DLGAP1: variants seen among roughly 807,000 people sequenced by gnomAD.
DLGAP1 encodes the protein disks large-associated protein 1.
Under a neutral mutation model 90.8 loss-of-function variants are expected in DLGAP1, and 11 were observed. The ratio of observed to expected loss-of-function variants is 0.12; its 90% CI spans 0.08 to 0.20. The LOEUF is 0.20. Among genes scored for constraint, DLGAP1 ranks in the 10% least tolerant of loss-of-function variants. The pLI is 1.00. For synonymous variants in DLGAP1, 558 were observed against 540.7 expected (o/e 1.03, Z -0.44); for missense variants, 1,050 against 1,333.8 (o/e 0.79, Z 3.31).
rs1463028688 is a variant in DLGAP1, at chr18:4,327,048, T to TG, written c.-267+127957dup. On this transcript the variant is annotated intron_variant, in intron 1 of 12. Transcript: ENST00000315677. ...AGTAGAATGGTGGTCATCAAAGGCA[T>TG]GGGGGTGGGAATGAAGGAATGAAAA... Among the ~76,000 whole-genome samples the TG allele has an allele frequency of 2.0e-5, 3 of 151,564 alleles. No homozygotes were observed. The East Asian group carries it at 5.8e-4, about 29-fold the overall frequency.
At chr18:4,425,445 T>A (rs1002268891) in intron 1 of DLGAP1, among the ~76,000 whole-genome samples, 2 of 152,154 alleles carry the variant, frequency 1.3e-5, no homozygotes, top group Non-Finnish European at 2.9e-5. Context: ...GGTACAGTCA[T>A]GATGACAGGA....
chr18:3,798,027 C>T (rs140738353), intron 5 of DLGAP1, among the ~76,000 whole-genome samples: 19,973 of 152,118 alleles, frequency 0.13, 1,426 homozygotes, highest in Middle Eastern at 0.17. Flanking sequence ...GATTGTGAGG[C>T]CTCCCCAGCC....
chr18:3,944,685 G>A (rs2072842016), intron 3 of DLGAP1, among the ~76,000 whole-genome samples: 1 of 152,224 alleles, frequency 6.6e-6, no homozygotes, highest in African/African-American at 2.4e-5. Flanking sequence ...GCTGTAATCA[G>A]CATTGTTACT....
intron 2 of DLGAP1, among the ~76,000 whole-genome samples, chr18:4,021,705 C>T (rs374872772): frequency 3.3e-5 from 5 of 152,268 alleles, no homozygotes; most frequent in African/African-American, 7.2e-5. Context: ...TCAAGCAATT[C>T]TCCTGTCTTC....
At chr18:4,100,978 C>G (rs112198810) in intron 2 of DLGAP1, among the ~76,000 whole-genome samples, 10 of 152,140 alleles carry the variant, frequency 6.6e-5, no homozygotes, top group African/African-American at 2.2e-4. Flanking sequence ...CCAGACCACT[C>G]GAACTTTTTC....
chr18:3,879,410 C>T lies in DLGAP1; in HGVS notation c.659G>A (p.Gly220Asp), dbSNP rs1264579346. 1 of 1,611,802 alleles carries T rather than the reference C, an allele frequency of 6.2e-7. No individual in the cohort carries two copies. The highest frequency in any genetic ancestry group is 8.5e-7 in the Non-Finnish European group (1 of 1,179,966). ...GDMCIYHAPS[G>D]VMTMGRCPDR... is the part of the protein sequence containing the mutation. ...GGGGCACCTGCCCATGGTCATCACG[C>T]CCGAGGGGGCGTGGTAGATGCACAT... Residue 220 changes from glycine to aspartate, a missense_variant, in exon 4 of 13, where the codon GGC becomes GAC. Physicochemically the swap from Gly to Asp is moderately conservative, Grantham distance 94. Coordinates refer to ENST00000315677, the MANE Select transcript of DLGAP1 (RefSeq NM_004746.4). This position sits in a 1 kb window ranked among gnomAD's most constrained non-coding sequence, Gnocchi z 6.6.
intron 3 of DLGAP1, chr18:3,978,059 G>A: frequency 2.6e-6 from 1 of 379,946 alleles, no homozygotes; most frequent in South Asian, 2.1e-5. Flanking sequence ...GTTTCTTGGA[G>A]GGGCCATCCA....
rs545260402 is a variant in DLGAP1, at chr18:3,537,843, A to G, written c.2058-3228T>C. ...TGTTTTTGAATGTGTGAGGTGGTACATTTCTTTGAGTAGCTCATGATTGTG... is the reference window on the plus strand; with the variant it reads ...TGTTTTTGAATGTGTGAGGTGGTACGTTTCTTTGAGTAGCTCATGATTGTG... On this transcript the variant is annotated intron_variant, in intron 9 of 12. Coordinates refer to ENST00000315677, the MANE Select transcript of DLGAP1 (RefSeq NM_004746.4). Among the ~76,000 whole-genome samples the G allele has an allele frequency of 1.8e-4, 27 of 152,262 alleles. No homozygotes were observed. In the South Asian group the frequency reaches 5.4e-3, roughly 30 times the overall value.
Position 3,534,359 on chromosome 18 carries a change from AGG to A in DLGAP1, c.2312_2313del (p.Pro771LeufsTer3). 1 of 1,614,128 alleles carries A rather than the reference AGG, an allele frequency of 6.2e-7. No homozygotes were observed. Among genetic ancestry groups the A allele is most frequent in the Non-Finnish European group, 8.5e-7 (1 of 1,179,986 alleles). ...GGGTCTTCAGTGATAGAGTCAATCC[AGG>A]GGTCCGGAGGAGGCAGAATAGAGGG... is the stretch of plus-strand genomic sequence containing the variant. Reference protein sequence around the residue: ...FDPSILPPPDPWIDSITEDPL... With the variant: ...FDPSILPPPDXWIDSITEDPL... On this transcript the variant is annotated frameshift_variant, in exon 10 of 13. Transcript: ENST00000315677. LOFTEE classifies it high-confidence loss of function.
chr18:3,700,851 C>T (rs956275621), intron 7 of DLGAP1, among the ~76,000 whole-genome samples: 5 of 151,938 alleles, frequency 3.3e-5, no homozygotes, highest in African/African-American at 9.7e-5. Flanking sequence ...CCTCATGATC[C>T]GCCCACCTCG....
intron 7 of DLGAP1, among the ~76,000 whole-genome samples, chr18:3,662,026 T>C (rs1362973526): frequency 6.6e-6 from 1 of 151,882 alleles, no homozygotes; most frequent in Non-Finnish European, 1.5e-5. Flanking sequence ...AAATAGAAAA[T>C]ATACCCAAGG....
intron 3 of DLGAP1, among the ~76,000 whole-genome samples, chr18:3,961,404 C>T (rs2073195412): frequency 6.6e-6 from 1 of 152,136 alleles, no homozygotes; most frequent in Admixed American, 6.5e-5. Flanking sequence ...GAATTCTCTC[C>T]CTCCTCCCCG....
rs2072898283 is a variant in DLGAP1 at position 3,947,400 on chromosome 18, C to T, written c.-73+57716G>A. Among the ~76,000 whole-genome samples the T allele has an allele frequency of 1.3e-5, 2 of 152,182 alleles. 1 individual carries two copies. Among genetic ancestry groups the T allele is most frequent in the South Asian group, 4.1e-4 (2 of 4,834 alleles). On this transcript the variant is annotated intron_variant, in intron 3 of 12. Coordinates refer to ENST00000315677, the MANE Select transcript of DLGAP1 (RefSeq NM_004746.4). ...TCCAAAATGGTAGATGTCTACCTCT[C>T]CCTGTCCCCTCAATCTCTGCCTCTA...
chr18:3,860,101 A>AAAAAAAAAAATAAATAAATAAAT (rs138109890), intron 4 of DLGAP1, among the ~76,000 whole-genome samples: 4 of 144,288 alleles, frequency 2.8e-5, no homozygotes, highest in Admixed American at 1.4e-4. Flanking sequence ...TCTGTCTCAA[A>AAAAAAAAAAATAAATAAATAAAT]AAATAAATAA....
intron 4 of DLGAP1, among the ~76,000 whole-genome samples, chr18:3,833,480 C>T (rs1180317485): frequency 6.6e-6 from 1 of 152,126 alleles, no homozygotes; most frequent in Admixed American, 6.5e-5. Flanking sequence ...AGTGATCTGC[C>T]CGCCTCAGCC....
chr18:3,908,243 T>C (rs1045274761), intron 3 of DLGAP1, among the ~76,000 whole-genome samples: 2 of 152,060 alleles, frequency 1.3e-5, no homozygotes, highest in African/African-American at 2.4e-5. Context: ...GACAGTGTAA[T>C]GGGGGAGAGG....
chr18:4,360,435 G>A (rs1233930768), intron 1 of DLGAP1, among the ~76,000 whole-genome samples: 2 of 152,136 alleles, frequency 1.3e-5, no homozygotes, highest in African/African-American at 4.8e-5. Flanking sequence ...GAAGAGAAAT[G>A]CGAATCAAAA....
chr18:4,447,342 T>C (rs1290828482), intron 1 of DLGAP1, among the ~76,000 whole-genome samples: 1 of 152,172 alleles, frequency 6.6e-6, no homozygotes, highest in Non-Finnish European at 1.5e-5. Flanking sequence ...CTACATGTCA[T>C]CAAAATACTG....
intron 3 of DLGAP1, among the ~76,000 whole-genome samples, chr18:3,964,986 T>C (rs2073291630): frequency 6.6e-6 from 1 of 152,186 alleles, no homozygotes; most frequent in South Asian, 2.1e-4. Context: ...TGAACTCCAA[T>C]TTAAAAAAGA....
Sources: allele counts gnomAD v4.1 joint callset (sites outside exome capture counted in the v4.1 genomes callset), GRCh38; gene constraint gnomAD v4.1.1; non-coding constraint Gnocchi (gnomAD v3.1); transcripts MANE v1.5; gene names NCBI Gene and HGNC (gene_info 2026-07-23, HGNC 2026-07-21).